Variants in EFR3A observed in about 807,000 individuals in gnomAD.
The protein encoded by EFR3A is EFR3 homolog A.
In EFR3A, 76 loss-of-function variants were observed where a neutral mutation model predicts 104.4. The ratio of observed to expected loss-of-function variants is 0.73; its 90% CI spans 0.60 to 0.88. The LOEUF is 0.88. EFR3A is among the 40% of genes least tolerant of loss of function. EFR3A has a pLI of 0.00. For missense variants in EFR3A, 985 were observed against 1,012.5 expected (o/e 0.97, Z 0.37); for synonymous variants, 330 against 330.0 (o/e 1.00, Z 0.00).
chr8:131,946,770 T>C, intron 4 of EFR3A, 137 bp downstream of exon 4: 1 of 788,186 alleles, frequency 1.3e-6, no homozygotes, highest in South Asian at 3.4e-5. Context: ...ATTAAGATAA[T>C]TAGAATACTT....
rs1253312367 is a variant in EFR3A, at chr8:131,979,337, C to T, written c.1500-9C>T. The T allele has an allele frequency of 1.0e-5, 16 of 1,534,530 alleles. No individual in the cohort carries two copies. Among genetic ancestry groups the T allele is most frequent in the African/African-American group, 2.8e-5 (2 of 72,350 alleles). On this transcript the variant is annotated splice_polypyrimidine_tract_variant and intron_variant, in intron 13 of 22. Transcript: ENST00000254624. ...TATTCATTAAAAATGATATATTGAT[C>T]GTCTCTAGAATAATACCGGATGTAG...
In EFR3A at chr8:131,996,465, A is replaced by G. The variant is rs773999053; in HGVS notation, c.2125A>G (p.Ile709Val). The change falls in exon 19 of 23, where the codon ATT becomes GTT. Residue 709 changes from isoleucine (I) to valine (V), a missense_variant. Ile to Val is a conservative substitution (Grantham distance 29). Transcript: ENST00000254624. ...GGACACCGTATCCATTCAGGTGGAT[A>G]TTTTATCCAACAATGTTCCTTCTGA... ...IVDTVSIQVD[I>V]LSNNVPSDDV... The G allele has an allele frequency of 4.4e-6, 7 of 1,602,552 alleles. No individual in the cohort carries two copies. Among genetic ancestry groups the G allele is most frequent in the Non-Finnish European group, 6.0e-6 (7 of 1,175,316 alleles).
chr8:131,938,536 G>C (rs1376538904), intron 1 of EFR3A, among the ~76,000 whole-genome samples: 2 of 151,936 alleles, frequency 1.3e-5, no homozygotes, highest in Admixed American at 6.6e-5. Context: ...TTTAGTAAGT[G>C]GTCAAAAAGG....
intron 1 of EFR3A, among the ~76,000 whole-genome samples, chr8:131,913,735 A>G (rs1412594771): frequency 6.6e-6 from 1 of 152,118 alleles, no homozygotes; most frequent in East Asian, 1.9e-4. Context: ...TGTCTTGGCA[A>G]TTAGCTACCA....
In EFR3A at chr8:131,978,867, G is replaced by C. The variant is rs1428866802; in HGVS notation, c.1347G>C (p.Ala449=). 1 of 1,601,808 alleles carries C rather than the reference G, an allele frequency of 6.2e-7. No individual in the cohort carries two copies. The highest frequency in any genetic ancestry group is 8.5e-7 in the Non-Finnish European group (1 of 1,174,676). The change falls in exon 13 of 23, where the codon GCG becomes GCC. Residue 449 remains alanine, a synonymous_variant. Coordinates refer to ENST00000254624, the MANE Select transcript of EFR3A (RefSeq NM_015137.6). ...SLLMVTSGYK[A]KTIVTALPGS... is the part of the protein sequence containing the mutation. ...ATCAGGTGACCTCTGGATATAAAGC[G>C]AAGACGATTGTTACTGCACTGCCAG...
chr8:131,985,755 G>C lies in EFR3A; in HGVS notation c.1870-439G>C, dbSNP rs1820840687. On this transcript the variant is annotated intron_variant, in intron 16 of 22. Transcript: ENST00000254624. ...TAGAGAAGTAAATACTACAAAAGCA[G>C]AGTACCTCTTTGCTCACAGTTCATT... 2.0e-5 allele frequency among the ~76,000 whole-genome samples: 3 copies of C among 152,294 alleles called. No individual in the cohort carries two copies. In the South Asian group the frequency reaches 6.2e-4, roughly 32 times the overall value.
At chr8:131,986,465 G>A (rs6999744) in intron 17 of EFR3A, among the ~76,000 whole-genome samples, 2,097 of 152,134 alleles carry the variant, frequency 0.014, 47 homozygotes, top group African/African-American at 0.048. Flanking sequence ...GCACAACATG[G>A]AGTCAATCTT....
chr8:131,995,407 G>A (rs189652823), intron 18 of EFR3A, among the ~76,000 whole-genome samples: 1 of 152,234 alleles, frequency 6.6e-6, no homozygotes, highest in East Asian at 1.9e-4. Context: ...CTGTTAAACT[G>A]TAAGCTGCAC....
chr8:131,940,510 T>A lies in EFR3A; in HGVS notation c.22T>A (p.Cys8Ser), dbSNP rs764647245. The A allele has an allele frequency of 1.9e-6, 3 of 1,603,300 alleles. No individual in the cohort carries two copies. In the East Asian group the frequency reaches 6.7e-5, roughly 36 times the overall value. Reference sequence around the variant, plus strand: ...TTTTTTTTTAACAGGAGTATGCTGCTGCTGTTCCGCTTTGCGTCCTCGCTA... The same window carrying A: ...TTTTTTTTTAACAGGAGTATGCTGCAGCTGTTCCGCTTTGCGTCCTCGCTA... MPTRVCC[C>S]CSALRPRYKR... Residue 8 changes from cysteine (C) to serine (S), a missense_variant, in exon 2 of 23, where the codon TGC (cysteine) becomes AGC (serine). By Grantham distance (112) the Cys-to-Ser change is moderately radical (BLOSUM62 -1). Transcript: ENST00000254624.
chr8:131,944,509 T>TA (rs1818323686), intron 2 of EFR3A, among the ~76,000 whole-genome samples: 2 of 152,068 alleles, frequency 1.3e-5, no homozygotes, highest in South Asian at 2.1e-4. Context: ...AGGAAGATGT[T>TA]AGAGTCTAAT....
At chr8:131,911,413 A>C (rs1816504960) in intron 1 of EFR3A, among the ~76,000 whole-genome samples, 1 of 152,214 alleles carries the variant, frequency 6.6e-6, no homozygotes, top group Admixed American at 6.5e-5. Flanking sequence ...GAGTTAGTTT[A>C]AGAATTGCAG....
At chr8:132,000,151 C>T (rs183700454) in intron 19 of EFR3A, among the ~76,000 whole-genome samples, 23 of 152,180 alleles carry the variant, frequency 1.5e-4, no homozygotes, top group South Asian at 8.3e-4. Context: ...TTTTTTGAGA[C>T]GGAGTCTTGT....
chr8:131,914,877 T>A lies in EFR3A; in HGVS notation c.10+10555T>A, dbSNP rs187051258. ...CTTGGCGTCCATGAGTTCTCATCAT[T>A]TGGCTCCCACTTATAAATAAGAACG... On this transcript the variant is annotated intron_variant, in intron 1 of 22. Transcript: ENST00000254624. Among the ~76,000 whole-genome samples, 26 of 152,306 alleles carry A rather than the reference T, an allele frequency of 1.7e-4. No homozygotes were observed. In the East Asian group the frequency reaches 5.0e-3, roughly 29 times the overall value.
At chr8:131,991,359 G>A (rs186844182) in intron 18 of EFR3A, among the ~76,000 whole-genome samples, 2 of 152,162 alleles carry the variant, frequency 1.3e-5, no homozygotes, top group South Asian at 2.1e-4. Context: ...TATCAGCTGC[G>A]TTCAAGTGAA....
chr8:131,968,294 G>A lies in EFR3A; in HGVS notation c.856-1G>A. 2 of 1,612,790 alleles carry A rather than the reference G, an allele frequency of 1.2e-6. No homozygotes were observed. Among genetic ancestry groups the A allele is most frequent in the South Asian group, 1.1e-5 (1 of 90,970 alleles). On this transcript the variant is annotated splice_acceptor_variant, in intron 8 of 22. Transcript: ENST00000254624. LOFTEE classifies it high-confidence loss of function. ...TCTTTGTACTGTTTTGTCTCCTTCA[G>A]GCTCAGTATTCTCACCATGTGATCC...
intron 8 of EFR3A, among the ~76,000 whole-genome samples, chr8:131,961,850 CA>C (rs1819358204): frequency 1.3e-5 from 2 of 152,248 alleles, no homozygotes; most frequent in African/African-American, 4.8e-5. Flanking sequence ...ATCAGAGTAA[CA>C]GCGGATCTCT....
At chr8:131,972,894 G>A (rs907652820) in intron 10 of EFR3A, among the ~76,000 whole-genome samples, 1 of 151,760 alleles carries the variant, frequency 6.6e-6, no homozygotes, top group Admixed American at 6.6e-5. Flanking sequence ...GAAGTTTATG[G>A]ATATGCATAC....
intron 20 of EFR3A, 69 bp downstream of exon 20, chr8:132,001,876 A>G: frequency 7.5e-7 from 1 of 1,327,710 alleles, no homozygotes; most frequent in Non-Finnish European, 1.1e-6. Flanking sequence ...TTTTTCGATG[A>G]CAGAATACGT....
intron 8 of EFR3A, among the ~76,000 whole-genome samples, chr8:131,965,086 A>C (rs1482587281): frequency 6.6e-6 from 1 of 152,160 alleles, no homozygotes; most frequent in African/African-American, 2.4e-5. Flanking sequence ...TAAAGACTTA[A>C]ATGTTAGACT....
Sources: allele counts gnomAD v4.1 joint callset (sites outside exome capture counted in the v4.1 genomes callset), GRCh38; gene constraint gnomAD v4.1.1; transcripts MANE v1.5; gene names NCBI Gene and HGNC (gene_info 2026-07-23, HGNC 2026-07-21).